SGCZ: variants seen among roughly 807,000 people sequenced by gnomAD.
SGCZ encodes zeta-sarcoglycan.
Under a neutral mutation model 41.3 loss-of-function variants are expected in SGCZ, and 40 were observed. That is an observed-to-expected ratio of 0.97 (90% CI 0.75 to 1.26). The LOEUF is 1.26. Ranked by LOEUF, SGCZ falls within the 50% of genes most tolerant of loss-of-function variation. The pLI is 0.00. For synonymous variants in SGCZ, 206 were observed against 137.5 expected, an observed-to-expected ratio of 1.50 and a Z score of -3.49; for missense variants, 552 against 369.8, an observed-to-expected ratio of 1.49 and a Z score of -4.04.
At chr8:15,034,260 G>A (rs2130964130) in intron 1 of SGCZ, among the ~76,000 whole-genome samples, 1 of 152,148 alleles carries the variant, frequency 6.6e-6, no homozygotes, top group East Asian at 1.9e-4. Context: ...AAATTTAGCA[G>A]AGATATAAAT....
In SGCZ at chr8:14,240,937, C is replaced by A. The variant is rs186835030; in HGVS notation, c.337-3258G>T. Among the ~76,000 whole-genome samples the A allele has an allele frequency of 2.3e-3, 350 of 152,226 alleles. 2 individuals carry two copies. Among genetic ancestry groups the A allele is most frequent in the South Asian group, 0.014 (68 of 4,828 alleles). ...ATCTTTCAGTCATTTAAGGGAGATA[C>A]AATCCTAAGCAATTCATAAATCTGA... On this transcript the variant is annotated intron_variant, in intron 3 of 7. Coordinates refer to ENST00000382080, the MANE Select transcript of SGCZ (RefSeq NM_139167.4).
chr8:14,911,884 A>C (rs1799289621), intron 1 of SGCZ, among the ~76,000 whole-genome samples: 1 of 151,970 alleles, frequency 6.6e-6, no homozygotes, highest in East Asian at 1.9e-4. Context: ...AATAAAAATT[A>C]ATATAAGTAA....
At chr8:14,559,777 G>A (rs756762352) in intron 1 of SGCZ, among the ~76,000 whole-genome samples, 17 of 151,962 alleles carry the variant, frequency 1.1e-4, no homozygotes, top group African/African-American at 3.1e-4. Flanking sequence ...AATTGGAAAC[G>A]CTGATAACGG....
chr8:14,491,193 T>C (rs1467315525), intron 2 of SGCZ, among the ~76,000 whole-genome samples: 1 of 152,146 alleles, frequency 6.6e-6, no homozygotes, highest in Non-Finnish European at 1.5e-5. Flanking sequence ...TTTACAAATT[T>C]ATGGTCCTCA....
intron 4 of SGCZ, among the ~76,000 whole-genome samples, chr8:14,235,857 G>A (rs567823954): frequency 6.0e-4 from 91 of 152,096 alleles, no homozygotes; most frequent in African/African-American, 2.1e-3. Flanking sequence ...AATAATTTTT[G>A]TATTTTTAGT....
chr8:14,092,220 G>C (rs1801708775), intron 7 of SGCZ, among the ~76,000 whole-genome samples: 1 of 152,042 alleles, frequency 6.6e-6, no homozygotes, highest in Non-Finnish European at 1.5e-5. Context: ...GGTTACTGTA[G>C]CCTTGTATTA....
intron 1 of SGCZ, among the ~76,000 whole-genome samples, chr8:14,980,391 G>C (rs2130878852): frequency 6.6e-6 from 1 of 152,222 alleles, no homozygotes; most frequent in Middle Eastern, 3.4e-3. Context: ...CACATTTTGA[G>C]GGTCTAATTT....
intron 1 of SGCZ, among the ~76,000 whole-genome samples, chr8:15,053,181 C>G (rs935216295): frequency 6.6e-6 from 1 of 152,152 alleles, no homozygotes; most frequent in African/African-American, 2.4e-5. Context: ...ATCTTTTATT[C>G]CAGCCCATCC....
chr8:14,104,269 A>C (rs1332331815), intron 6 of SGCZ, among the ~76,000 whole-genome samples: 1 of 152,188 alleles, frequency 6.6e-6, no homozygotes, highest in Non-Finnish European at 1.5e-5. Flanking sequence ...TATAGCAGTA[A>C]GTTTCAGACT....
chr8:14,527,134 A>C (rs575391690), intron 2 of SGCZ, among the ~76,000 whole-genome samples: 4 of 152,140 alleles, frequency 2.6e-5, no homozygotes, highest in Non-Finnish European at 5.9e-5. Flanking sequence ...ATACTCTTCC[A>C]AGGTTACCAG....
intron 1 of SGCZ, among the ~76,000 whole-genome samples, chr8:15,073,746 G>A (rs919811526): frequency 1.1e-4 from 16 of 152,262 alleles, no homozygotes; most frequent in African/African-American, 2.9e-4. Flanking sequence ...GTCCTAAAAT[G>A]TGGACTAGCT....
chr8:15,212,380 A>C (rs1417973320), intron 1 of SGCZ, among the ~76,000 whole-genome samples: 2 of 152,132 alleles, frequency 1.3e-5, no homozygotes, highest in East Asian at 3.9e-4. Flanking sequence ...TTTTGTGATC[A>C]GCCCAACATT....
intron 1 of SGCZ, among the ~76,000 whole-genome samples, chr8:14,969,097 A>G (rs1409019387): frequency 1.3e-5 from 2 of 152,138 alleles, no homozygotes; most frequent in Non-Finnish European, 2.9e-5. Context: ...CTATGACCCA[A>G]TTAACACCGC....
intron 2 of SGCZ, among the ~76,000 whole-genome samples, chr8:14,502,567 G>A (rs1478956828): frequency 1.3e-5 from 2 of 151,702 alleles, no homozygotes; most frequent in Non-Finnish European, 2.9e-5. Flanking sequence ...TCTGACAAAG[G>A]GCTAATATAC....
chr8:14,330,949 C>G (rs529405756), intron 2 of SGCZ, among the ~76,000 whole-genome samples: 2 of 151,938 alleles, frequency 1.3e-5, no homozygotes, highest in Admixed American at 6.6e-5. Flanking sequence ...TTTTAGACAT[C>G]TTTTCTGGAT....
chr8:14,277,184 CTT>C (rs1800266523), intron 3 of SGCZ, among the ~76,000 whole-genome samples: 1 of 152,138 alleles, frequency 6.6e-6, no homozygotes, highest in African/African-American at 2.4e-5. Context: ...ACACAACTGA[CTT>C]TTTCAATATG....
chr8:14,361,257 G>C (rs1029401788), intron 2 of SGCZ, among the ~76,000 whole-genome samples: 5 of 152,060 alleles, frequency 3.3e-5, no homozygotes, highest in Non-Finnish European at 7.4e-5. Context: ...AAGTTCTCCT[G>C]GATAATATCC....
chr8:15,138,561 C>T (rs533366109), intron 1 of SGCZ, among the ~76,000 whole-genome samples: 53 of 152,126 alleles, frequency 3.5e-4, no homozygotes, highest in Admixed American at 1.6e-3. Context: ...TCCTCCATGC[C>T]GTTCTCATGA....
Position 14,867,425 on chromosome 8 carries a change from A to C in SGCZ, c.40-312499T>G, listed in dbSNP as rs372070173. On this transcript the variant is annotated intron_variant, in intron 1 of 7. Coordinates refer to ENST00000382080, the MANE Select transcript of SGCZ (RefSeq NM_139167.4). ...CTGCAATAAAGATACACATGCATGT[A>C]TCTTTATAATAGAATGATTTATATT... 3.9e-5 allele frequency among the ~76,000 whole-genome samples: 6 copies of C among 152,238 alleles called. No individual in the cohort carries two copies. The East Asian group carries it at 1.2e-3, about 30-fold the overall frequency.
Sources: gnomAD v4.1 joint callset for allele counts (sites outside exome capture counted in the v4.1 genomes callset) on GRCh38, gnomAD v4.1.1 for gene constraint, MANE v1.5 for transcripts, NCBI Gene and HGNC (gene_info 2026-07-23, HGNC 2026-07-21) for gene names.